PBX1: variants seen among roughly 807,000 people sequenced by gnomAD.
PBX1 encodes PBX homeobox 1.
In PBX1, 6 loss-of-function variants were observed where a neutral mutation model predicts 53.4. The ratio of observed to expected loss-of-function variants is 0.11; its 90% confidence interval spans 0.06 to 0.22. PBX1 has a LOEUF of 0.22. Among genes scored for constraint, PBX1 ranks in the 10% least tolerant of loss-of-function variants. The pLI, the probability that PBX1 is intolerant of heterozygous loss-of-function variation, is 1.00. For synonymous variants in PBX1, 204 were observed against 212.3 expected (o/e 0.96, Z 0.34); for missense variants, 251 against 551.4 (o/e 0.46, Z 5.46).
chr1:164,755,352 T>A (rs769599291), intron 2 of PBX1, among the ~76,000 whole-genome samples: 1 of 152,192 alleles, frequency 6.6e-6, no homozygotes, highest in Non-Finnish European at 1.5e-5. Flanking sequence ...TTTCTCCATG[T>A]TGTTCAGGCT....
intron 8 of PBX1, among the ~76,000 whole-genome samples, chr1:164,840,920 G>A (rs1043232219): frequency 3.3e-5 from 5 of 152,142 alleles, no homozygotes; most frequent in South Asian, 2.1e-4. Flanking sequence ...CCATGCCCAT[G>A]TTGGGGGATG....
At chr1:164,816,885 T>A (rs1345792187) in intron 6 of PBX1, 1 of 152,168 alleles carries the variant, frequency 6.6e-6, no homozygotes, top group Non-Finnish European at 1.5e-5. Flanking sequence ...AATTTAAGTC[T>A]CCTGAAGATT....
At chr1:164,706,920 A>G (rs1484048011) in intron 2 of PBX1, among the ~76,000 whole-genome samples, 1 of 152,218 alleles carries the variant, frequency 6.6e-6, no homozygotes, top group African/African-American at 2.4e-5. Context: ...AGCCACTGAA[A>G]GAACTGAAAA....
intron 2 of PBX1, among the ~76,000 whole-genome samples, chr1:164,711,684 T>C (rs1438117349): frequency 6.6e-6 from 1 of 152,194 alleles, no homozygotes; most frequent in Non-Finnish European, 1.5e-5. Context: ...ATTTTGGAAA[T>C]TGCTTTCAGA....
intron 2 of PBX1, among the ~76,000 whole-genome samples, chr1:164,728,113 C>T (rs750956993): frequency 6.6e-6 from 1 of 151,978 alleles, no homozygotes; most frequent in African/African-American, 2.4e-5. Flanking sequence ...TTGCTTGAGT[C>T]CAGGAGTTCA....
intron 2 of PBX1, chr1:164,770,753 C>T (rs1413773048): frequency 1.3e-5 from 2 of 152,120 alleles, no homozygotes; most frequent in African/African-American, 4.8e-5. Flanking sequence ...TCTCCTTTCT[C>T]AGATGTGAGT....
At chr1:164,785,760 G>A (rs1329357815) in intron 2 of PBX1, among the ~76,000 whole-genome samples, 1 of 152,168 alleles carries the variant, frequency 6.6e-6, no homozygotes, top group Non-Finnish European at 1.5e-5. Flanking sequence ...TCCTCAGAGG[G>A]CCTGTTTGTG....
intron 2 of PBX1, among the ~76,000 whole-genome samples, chr1:164,733,039 T>C (rs1665084307): frequency 6.6e-6 from 1 of 152,218 alleles, no homozygotes; most frequent in Non-Finnish European, 1.5e-5. Context: ...TTCTTAGCAG[T>C]ATTTGATACT....
At chr1:164,857,692 A>G (rs1170865223) in intron 2 of PBX1, among the ~76,000 whole-genome samples, 1 of 152,282 alleles carries the variant, frequency 6.6e-6, no homozygotes, top group South Asian at 2.1e-4. Flanking sequence ...GGAAATTCCA[A>G]CAGTTTCAGT....
intron 2 of PBX1, among the ~76,000 whole-genome samples, chr1:164,615,652 A>T (rs1003730031): frequency 3.9e-5 from 6 of 152,210 alleles, no homozygotes; most frequent in Non-Finnish European, 8.8e-5. Context: ...GTGATGTGAA[A>T]CAATCGCTAA....
Position 164,850,125 on chromosome 1 carries a change from AG to A in PBX1, c.*3451del, listed in dbSNP as rs927993386. ...AAATGACCCTCATAGCACGCAAAAC[AG>A]GATGGGGAATTTCCCCTCTTCTTTC... is the stretch of plus-strand genomic sequence containing the variant. On this transcript the variant is annotated 3_prime_UTR_variant, in exon 9 of 9. Coordinates refer to ENST00000420696, the MANE Select transcript of PBX1 (RefSeq NM_002585.4). The A allele has an allele frequency of 4.8e-5, 11 of 228,206 alleles. No individual in the cohort carries two copies. The highest frequency in any genetic ancestry group is 2.8e-4 in the Admixed American group (5 of 17,650). The allele number at this position is 228,206 out of a possible 1,614,324, so 14.1% of individuals were successfully genotyped here.
chr1:164,716,118 A>G (rs1199629300), intron 2 of PBX1, among the ~76,000 whole-genome samples: 2 of 152,252 alleles, frequency 1.3e-5, no homozygotes, highest in Admixed American at 6.5e-5. Context: ...CTTATGAATT[A>G]TGCCAGCAAG....
At chr1:164,808,376 C>G (rs373198028) in intron 5 of PBX1, among the ~76,000 whole-genome samples, 102 of 152,300 alleles carry the variant, frequency 6.7e-4, no homozygotes, top group African/African-American at 2.3e-3. Flanking sequence ...ATTTTGTCCA[C>G]TCAAAAGATC....
intron 2 of PBX1, among the ~76,000 whole-genome samples, chr1:164,668,991 G>A (rs911955035): frequency 6.6e-6 from 1 of 152,186 alleles, no homozygotes; most frequent in Non-Finnish European, 1.5e-5. Flanking sequence ...TACGATTCCC[G>A]CAGATGAGAG....
chr1:164,836,035 CAAAT>C (rs1671021932), intron 8 of PBX1, among the ~76,000 whole-genome samples: 1 of 151,968 alleles, frequency 6.6e-6, no homozygotes, highest in African/African-American at 2.4e-5. Context: ...GACCCTAAGC[CAAAT>C]AAATAAATCC....
chr1:164,648,311 T>C (rs941110573), intron 2 of PBX1, among the ~76,000 whole-genome samples: 1 of 152,192 alleles, frequency 6.6e-6, no homozygotes, highest in African/African-American at 2.4e-5. Context: ...AAGCTCTAGG[T>C]TATTCTTATA....
chr1:164,870,981 C>A (rs1672369762), intron 2 of PBX1, among the ~76,000 whole-genome samples: 1 of 152,102 alleles, frequency 6.6e-6, no homozygotes, highest in Non-Finnish European at 1.5e-5. Flanking sequence ...CGAGATCAAG[C>A]TGATTACCTA....
At chr1:164,883,544 T>C (rs1367813369) in intron 2 of PBX1, among the ~76,000 whole-genome samples, 1 of 152,228 alleles carries the variant, frequency 6.6e-6, no homozygotes, top group Non-Finnish European at 1.5e-5. Context: ...TTTGCTCACA[T>C]ATATGTATAC....
At chr1:164,564,375 T>A (rs986652078) in intron 2 of PBX1, among the ~76,000 whole-genome samples, 5 of 152,100 alleles carry the variant, frequency 3.3e-5, no homozygotes, top group African/African-American at 4.8e-5. Flanking sequence ...GCATGCTTGG[T>A]TGATATACAT....
Sources: allele counts gnomAD v4.1 joint callset (sites outside exome capture counted in the v4.1 genomes callset), GRCh38; gene constraint gnomAD v4.1.1; transcripts MANE v1.5; gene names NCBI Gene and HGNC (gene_info 2026-07-23, HGNC 2026-07-21).